The following NUP153 variants were observed in gnomAD, a reference collection of about 807,000 sequenced individuals.
The protein encoded by NUP153 is nuclear pore complex protein Nup153.
A neutral mutation model predicts 134.6 loss-of-function variants in NUP153; 27 were observed. The observed-to-expected ratio is 0.20, with a 90% CI of 0.15 to 0.28. The LOEUF is 0.28. Among genes scored for constraint, NUP153 ranks in the 10% least tolerant of loss-of-function variants. The probability of loss-of-function intolerance (pLI) is 1.00; values close to 1 mark genes in which losing one functional copy is unlikely to be tolerated. For synonymous variants in NUP153, 640 were observed against 623.5 expected (o/e 1.03, Z -0.40); for missense variants, 1,821 against 1,731.3 (o/e 1.05, Z -0.92).
At chr6:17,697,210 TTC>T (rs773058904) in intron 1 of NUP153, among the ~76,000 whole-genome samples, 1 of 152,200 alleles carries the variant, frequency 6.6e-6, no homozygotes, top group South Asian at 2.1e-4. Context: ...CCACTGGGTA[TTC>T]TCTCTCCAAG....
chr6:17,644,892 G>A (rs969241589), intron 14 of NUP153, among the ~76,000 whole-genome samples: 2 of 152,036 alleles, frequency 1.3e-5, no homozygotes, highest in Non-Finnish European at 2.9e-5. Flanking sequence ...GAGACCATCC[G>A]AGCTAACATG....
intron 11 of NUP153, among the ~76,000 whole-genome samples, chr6:17,658,099 AAAG>A (rs1758401901): frequency 6.6e-6 from 1 of 152,228 alleles, no homozygotes; most frequent in African/African-American, 2.4e-5. Context: ...AGTGGTGGTT[AAAG>A]AAGTTTTGCA....
chr6:17,706,114 C>T lies in NUP153; in HGVS notation c.111+163G>A. The T allele has an allele frequency of 1.6e-6, 1 of 626,646 alleles. No individual in the cohort carries two copies. The highest frequency in any genetic ancestry group is 1.9e-5 in the South Asian group (1 of 52,712). The allele number at this position is 626,646 out of a possible 1,614,324, so 38.8% of individuals were successfully genotyped here. A position where few individuals can be genotyped will look rare whatever the true frequency, so the allele number is the denominator to read the frequency against. ...AGGCTGGGCCTGTCTCAGCCCACTT[C>T]CCGTCGCCACCCCCAACGGCCTGAG... On this transcript the variant is annotated intron_variant, in intron 1 of 21. Coordinates refer to ENST00000262077, the MANE Select transcript of NUP153 (RefSeq NM_005124.4). The surrounding 1 kb of genome is among the most constrained non-coding windows in gnomAD (Gnocchi z 5.9).
intron 1 of NUP153, among the ~76,000 whole-genome samples, chr6:17,699,051 A>G (rs1769865471): frequency 6.6e-6 from 1 of 152,206 alleles, no homozygotes; most frequent in African/African-American, 2.4e-5. Flanking sequence ...ATATCTATAG[A>G]TAGAAAAGGC....
At chr6:17,640,973 GTC>G (rs1302171752) in intron 14 of NUP153, among the ~76,000 whole-genome samples, 1 of 152,058 alleles carries the variant, frequency 6.6e-6, no homozygotes, top group Non-Finnish European at 1.5e-5. Context: ...AGGTTGAAAA[GTC>G]TAGAATGTTT....
chr6:17,691,186 G>C (rs1334313274), intron 1 of NUP153, among the ~76,000 whole-genome samples: 2 of 152,120 alleles, frequency 1.3e-5, no homozygotes, highest in Non-Finnish European at 2.9e-5. Flanking sequence ...CAACTGGGAA[G>C]CATGTAATTA....
intron 17 of NUP153, 30 bp from the exon 18 acceptor site, chr6:17,629,569 C>T: frequency 1.3e-6 from 2 of 1,548,236 alleles, no homozygotes; most frequent in Non-Finnish European, 1.7e-6. Context: ...ACCACATAGA[C>T]ACTCAATGTA....
rs528110917 is a variant in NUP153, at chr6:17,659,604, C to G, written c.1395+2049G>C. ...TCTCCTGCCTCAGCCTCCCGAGTAGCTGGGACTACACACATACGCTATCAC... is the reference window on the plus strand; with the variant it reads ...TCTCCTGCCTCAGCCTCCCGAGTAGGTGGGACTACACACATACGCTATCAC... On this transcript the variant is annotated intron_variant, in intron 11 of 21. Coordinates refer to ENST00000262077, the MANE Select transcript of NUP153 (RefSeq NM_005124.4). 2.6e-5 allele frequency among the ~76,000 whole-genome samples: 4 copies of G among 152,282 alleles called. No homozygotes were observed. The South Asian group carries it at 6.2e-4, about 24-fold the overall frequency.
rs1271003855 is a variant in NUP153 at position 17,629,061 on chromosome 6, G to A, written c.3138C>T (p.Ser1046=). ...ANTIVTSENK[S]SFNLGTIETK... The stretch of plus-strand genomic sequence containing the variant: ...TTTCTATGGTTCCAAGGTTGAAGCT[G>A]CTCTTGTTCTCAGAGGTCACTATGG... The change falls in exon 18 of 22, where the codon AGC becomes AGT. Residue 1046 remains serine (S), a synonymous_variant. Coordinates refer to ENST00000262077, the MANE Select transcript of NUP153 (RefSeq NM_005124.4). 2 of 1,614,218 alleles carry A rather than the reference G, an allele frequency of 1.2e-6. No individual in the cohort carries two copies. The highest frequency in any genetic ancestry group is 1.1e-5 in the South Asian group (1 of 91,088).
chr6:17,699,137 A>C (rs974032379), intron 1 of NUP153, among the ~76,000 whole-genome samples: 3 of 152,212 alleles, frequency 2.0e-5, no homozygotes, highest in African/African-American at 7.2e-5. Flanking sequence ...ACACAGAAGA[A>C]TCTTTTAAAA....
chr6:17,652,868 C>CA (rs550314497), intron 11 of NUP153, among the ~76,000 whole-genome samples: 89 of 145,436 alleles, frequency 6.1e-4, no homozygotes, highest in African/African-American at 8.8e-4. Flanking sequence ...ACTAAAAATA[C>CA]AAAAAAAAAA....
At chr6:17,676,182 T>A (rs184474831) in intron 2 of NUP153, among the ~76,000 whole-genome samples, 6 of 152,324 alleles carry the variant, frequency 3.9e-5, no homozygotes, top group Non-Finnish European at 8.8e-5. Flanking sequence ...ATATGTCTAA[T>A]CTTGACTCCC....
chr6:17,637,565 T>A lies in NUP153; in HGVS notation c.2052A>T (p.Ala684=). ...TDNKCIACQA[A]KLSPRDTAKQ... ...TAGCAGTATCTCTGGGTGACAATTTTGCTGCTTGACAGGCTATGCATTTGT... is the reference window on the plus strand; with the variant it reads ...TAGCAGTATCTCTGGGTGACAATTTAGCTGCTTGACAGGCTATGCATTTGT... The change falls in exon 16 of 22, where the codon GCA becomes GCT. Residue 684 remains alanine, a synonymous_variant. Coordinates refer to ENST00000262077, the MANE Select transcript of NUP153 (RefSeq NM_005124.4). 1 of 1,614,228 alleles carries A rather than the reference T, an allele frequency of 6.2e-7. No homozygotes were observed. Among genetic ancestry groups the A allele is most frequent in the Non-Finnish European group, 8.5e-7 (1 of 1,180,034 alleles).
chr6:17,656,442 T>C lies in NUP153; in HGVS notation c.1395+5211A>G, dbSNP rs191234113. Among the ~76,000 whole-genome samples, 28 of 152,202 alleles carry C rather than the reference T, an allele frequency of 1.8e-4. No homozygotes were observed. In the South Asian group the frequency reaches 2.9e-3, roughly 16 times the overall value. ...AGTGAAGAGGAGTTTTTTTTATTTG[T>C]TATTTTTTTAAAGACAGAGTCTCCC... On this transcript the variant is annotated intron_variant, in intron 11 of 21. Transcript: ENST00000262077.
chr6:17,674,791 G>T (rs1474056372), intron 5 of NUP153, 114 bp downstream of exon 5: 7 of 951,358 alleles, frequency 7.4e-6, no homozygotes, highest in African/African-American at 3.5e-5. Flanking sequence ...ATAAATAAAA[G>T]AAAAATAAAA....
intron 9 of NUP153, among the ~76,000 whole-genome samples, chr6:17,664,064 T>C (rs1450496004): frequency 6.6e-6 from 1 of 151,950 alleles, no homozygotes; most frequent in Admixed American, 6.6e-5. Flanking sequence ...AGTATATCCA[T>C]ACAATGAAAT....
intron 12 of NUP153, among the ~76,000 whole-genome samples, chr6:17,648,343 G>A (rs1423395497): frequency 1.3e-5 from 2 of 152,152 alleles, no homozygotes; most frequent in Non-Finnish European, 2.9e-5. Context: ...TTGGCCAGGA[G>A]TGGGGGCTCA....
rs758118349 is a variant in NUP153 at position 17,649,149 on chromosome 6, T to C, written c.1533+14A>G. Reference sequence around the variant, plus strand: ...AGAACAAATGTCACCTGTATTTATATAATGGTTTTGTACCTTGTTTGTTAA... The same window carrying C: ...AGAACAAATGTCACCTGTATTTATACAATGGTTTTGTACCTTGTTTGTTAA... On this transcript the variant is annotated intron_variant, in intron 12 of 21. Coordinates refer to ENST00000262077, the MANE Select transcript of NUP153 (RefSeq NM_005124.4). The C allele has an allele frequency of 2.5e-6, 4 of 1,598,996 alleles. No individual in the cohort carries two copies. In the South Asian group the frequency reaches 3.4e-5, roughly 14 times the overall value.
At chr6:17,696,598 A>AT (rs1167312365) in intron 1 of NUP153, among the ~76,000 whole-genome samples, 1 of 152,070 alleles carries the variant, frequency 6.6e-6, no homozygotes, top group African/African-American at 2.4e-5. Context: ...TATTAAAAAT[A>AT]TAAAAAATTA....
Sources: gnomAD v4.1 joint callset for allele counts (sites outside exome capture counted in the v4.1 genomes callset) on GRCh38, gnomAD v4.1.1 for gene constraint, Gnocchi (gnomAD v3.1) non-coding constraint, MANE v1.5 for transcripts, NCBI Gene and HGNC (gene_info 2026-07-23, HGNC 2026-07-21) for gene names.